Variants in MTHFD1L observed in about 807,000 individuals in gnomAD.
MTHFD1L encodes the protein monofunctional C1-tetrahydrofolate synthase, mitochondrial.
Under a neutral mutation model 119.5 loss-of-function variants are expected in MTHFD1L, and 81 were observed. The observed-to-expected ratio is 0.68, with a 90% CI of 0.57 to 0.82. The LOEUF (loss-of-function observed/expected upper bound fraction) is 0.82. Among genes scored for constraint, MTHFD1L ranks in the 40% least tolerant of loss-of-function variants. The probability of loss-of-function intolerance (pLI) is 0.00; values close to 1 mark genes in which losing one functional copy is unlikely to be tolerated. For synonymous variants in MTHFD1L, 430 were observed against 475.2 expected (o/e 0.90, Z 1.24); for missense variants, 1,125 against 1,253.4 (o/e 0.90, Z 1.55).
At chr6:150,937,066 C>A in intron 12 of MTHFD1L, 126 bp downstream of exon 12, 2 of 1,194,182 alleles carry the variant, frequency 1.7e-6, no homozygotes, top group Non-Finnish European at 2.3e-6. Context: ...CTTCACTGCA[C>A]ACTCAGTACA....
chr6:151,015,804 A>G, intron 24 of MTHFD1L, 111 bp downstream of exon 24: 1 of 1,336,884 alleles, frequency 7.5e-7, no homozygotes, highest in Non-Finnish European at 1.0e-6. Context: ...AGAAGAGTTT[A>G]GGCCCGGTGC....
At chr6:150,995,695 T>C (rs1359248655) in intron 20 of MTHFD1L, among the ~76,000 whole-genome samples, 1 of 152,060 alleles carries the variant, frequency 6.6e-6, no homozygotes, top group Non-Finnish European at 1.5e-5. Context: ...AGACGGAGTT[T>C]TGCTCTTGTT....
intron 1 of MTHFD1L, among the ~76,000 whole-genome samples, chr6:150,867,246 C>T (rs998049508): frequency 6.6e-6 from 1 of 152,166 alleles, no homozygotes; most frequent in Non-Finnish European, 1.5e-5. Context: ...GGCTGGAGTT[C>T]AGTGGTGCCA....
intron 12 of MTHFD1L, 48 bp from the exon 13 acceptor site, chr6:150,938,651 A>G (rs1792536334): frequency 6.3e-7 from 1 of 1,586,574 alleles, no homozygotes; most frequent in South Asian, 1.1e-5. Context: ...CCATCGTGGC[A>G]GCTGTACTTG....
At position 150,926,140 on chromosome 6, in the gene MTHFD1L, A is replaced by T; in HGVS notation, c.1101A>T (p.Arg367Ser). The change falls in exon 11 of 28, where the codon AGA becomes AGT. Residue 367 changes from arginine to serine, a missense_variant. Arg to Ser is a moderately radical substitution (Grantham distance 110, BLOSUM62 -1). Around this residue, in one of 3 missense-constraint regions of MTHFD1L, gnomAD observed 1,058 missense variants for 1,151.2 expected, o/e 0.92. Coordinates refer to ENST00000367321, the MANE Select transcript of MTHFD1L (RefSeq NM_015440.5). The surrounding 1 kb of genome is among the most constrained non-coding windows in gnomAD (Gnocchi z 4.3). Reference protein sequence around the residue: ...SPVPSDIEISRGQTPKAVDVL... With the variant: ...SPVPSDIEISSGQTPKAVDVL... ...CCCTCAGTGACATTGAGATTTCAAGAGGACAAACTCCAAAAGCTGTGGATG... is the reference window on the plus strand; with the variant it reads ...CCCTCAGTGACATTGAGATTTCAAGTGGACAAACTCCAAAAGCTGTGGATG... The T allele has an allele frequency of 6.2e-7, 1 of 1,613,538 alleles. No homozygotes were observed.
chr6:150,959,066 C>T (rs936576383), intron 17 of MTHFD1L: 9 of 437,684 alleles, frequency 2.1e-5, no homozygotes, highest in Admixed American at 1.3e-4. Context: ...GTATAGAGAA[C>T]CCTAAATTTC....
rs994495989 is a variant in MTHFD1L at position 150,944,408 on chromosome 6, A to G, written c.1441-78A>G. On this transcript the variant is annotated intron_variant, in intron 13 of 27. Coordinates refer to ENST00000367321, the MANE Select transcript of MTHFD1L (RefSeq NM_015440.5). ...GAATACAGTGAGCTATGATCATGCC[A>G]CTGCACTCCAGCCTGGGCAACAAAG... The G allele has an allele frequency of 3.1e-5, 32 of 1,024,640 alleles. No homozygotes were observed. In the Admixed American group the frequency reaches 6.4e-4, roughly 21 times the overall value. 63.5% of individuals were successfully genotyped at this position (1,024,640 alleles called of 1,614,324 possible). A position where few individuals can be genotyped will look rare whatever the true frequency, so the allele number is the denominator to read the frequency against.
chr6:151,064,098 A>T (rs1444671376), intron 26 of MTHFD1L, among the ~76,000 whole-genome samples: 1 of 152,108 alleles, frequency 6.6e-6, no homozygotes, highest in Non-Finnish European at 1.5e-5. Context: ...TGTCTTTTAA[A>T]ATATGCTATT....
At chr6:151,015,730 C>T (rs1302671268) in intron 24 of MTHFD1L, 37 bp downstream of exon 24, 4 of 1,600,916 alleles carry the variant, frequency 2.5e-6, no homozygotes, top group South Asian at 1.1e-5. Flanking sequence ...ACATTTCTTA[C>T]ACCTTAGCAT....
chr6:151,043,780 C>T (rs114340883), intron 26 of MTHFD1L, among the ~76,000 whole-genome samples: 1,671 of 152,238 alleles, frequency 0.011, 28 homozygotes, highest in African/African-American at 0.037. Flanking sequence ...GGGCTGGAAT[C>T]TAGGGGTTAG....
At chr6:151,022,140 C>T (rs372518500) in intron 24 of MTHFD1L, 148 of 459,092 alleles carry the variant, frequency 3.2e-4, no homozygotes, top group Middle Eastern at 2.7e-3. Flanking sequence ...GCTCTCACTG[C>T]CCAGATGGCC....
At chr6:150,915,044 C>T (rs9397365) in intron 8 of MTHFD1L, among the ~76,000 whole-genome samples, 20,051 of 152,092 alleles carry the variant, frequency 0.13, 1,441 homozygotes, top group South Asian at 0.17. Flanking sequence ...GTTGTGTGTA[C>T]CACCTACCAT....
chr6:150,935,643 G>A lies in MTHFD1L; in HGVS notation c.1257-1161G>A, dbSNP rs952780924. The A allele has an allele frequency of 3.1e-5, 35 of 1,125,626 alleles. No homozygotes were observed. The Middle Eastern group carries it at 6.9e-4, about 22-fold the overall frequency. The allele number at this position is 1,125,626 out of a possible 1,614,324, so 69.7% of individuals were successfully genotyped here. On this transcript the variant is annotated intron_variant, in intron 11 of 27. Transcript: ENST00000367321. ...TGACAAATAGAAGAGTGTCTACAGCGTGGTTTGCCTGTCTGCCCTCCTGGA... is the reference window on the plus strand; with the variant it reads ...TGACAAATAGAAGAGTGTCTACAGCATGGTTTGCCTGTCTGCCCTCCTGGA...
At chr6:151,028,175 T>A (rs1168878209) in intron 24 of MTHFD1L, among the ~76,000 whole-genome samples, 1 of 152,100 alleles carries the variant, frequency 6.6e-6, no homozygotes, top group African/African-American at 2.4e-5. Flanking sequence ...TACCGTCATG[T>A]GTGGGTGGTC....
chr6:151,058,020 G>T (rs1242760577), intron 26 of MTHFD1L, among the ~76,000 whole-genome samples: 2 of 152,050 alleles, frequency 1.3e-5, no homozygotes, highest in Non-Finnish European at 2.9e-5. Flanking sequence ...CACATTATCT[G>T]CCTGCCACCA....
chr6:150,942,618 T>C (rs1793312531), intron 13 of MTHFD1L, among the ~76,000 whole-genome samples: 1 of 152,130 alleles, frequency 6.6e-6, no homozygotes, highest in South Asian at 2.1e-4. Context: ...TTAACTGTAT[T>C]TTGAAGAATC....
chr6:150,896,160 T>G (rs1011536489), intron 7 of MTHFD1L, among the ~76,000 whole-genome samples: 1 of 152,226 alleles, frequency 6.6e-6, no homozygotes, highest in Non-Finnish European at 1.5e-5. Flanking sequence ...GATCATCACA[T>G]AAAGTCTAAT....
intron 11 of MTHFD1L, among the ~76,000 whole-genome samples, chr6:150,930,659 T>C (rs2128921075): frequency 6.6e-6 from 1 of 152,130 alleles, no homozygotes; most frequent in South Asian, 2.1e-4. Context: ...TTTCCATGCT[T>C]TAGAAGAATT....
chr6:151,034,548 A>T lies in MTHFD1L; in HGVS notation c.2642A>T (p.Asp881Val). The T allele has an allele frequency of 2.5e-6, 4 of 1,611,974 alleles. No homozygotes were observed. The highest frequency in any genetic ancestry group is 3.4e-6 in the Non-Finnish European group (4 of 1,179,824). The change falls in exon 25 of 28, where the codon GAT (aspartate) becomes GTT (valine). Residue 881 changes from aspartate to valine, a missense_variant. By Grantham distance (152) the Asp-to-Val change is radical (BLOSUM62 -3). Around this residue, in one of 3 missense-constraint regions of MTHFD1L, gnomAD observed 1,058 missense variants for 1,151.2 expected, o/e 0.92. Transcript: ENST00000367321. ...GCTCAGGCTGTCTATGGAGCCAAAG[A>T]TATTGAACTCTCTCCTGAGGCACAA... ...TIAQAVYGAKDIELSPEAQAK... is the reference protein window; with the variant it reads ...TIAQAVYGAKVIELSPEAQAK...
Sources: allele counts gnomAD v4.1 joint callset (sites outside exome capture counted in the v4.1 genomes callset), GRCh38; gene constraint gnomAD v4.1.1; regional missense constraint gnomAD v4.1.1; non-coding constraint Gnocchi (gnomAD v3.1); transcripts MANE v1.5; gene names NCBI Gene and HGNC (gene_info 2026-07-23, HGNC 2026-07-21).